Variants in AGPAT4 observed in about 807,000 individuals in gnomAD.
AGPAT4 encodes the protein 1-acyl-sn-glycerol-3-phosphate acyltransferase delta.
In AGPAT4, 15 loss-of-function variants were observed where a neutral mutation model predicts 48.0. The ratio of observed to expected loss-of-function variants is 0.31; its 90% CI spans 0.21 to 0.48. The LOEUF is 0.48. AGPAT4 is among the 20% of genes least tolerant of loss of function. The pLI is 0.99. For synonymous variants in AGPAT4, 178 were observed against 198.7 expected (o/e 0.90, Z 0.88); for missense variants, 314 against 482.5 (o/e 0.65, Z 3.27).
chr6:161,253,413 C>T (rs1422196434), intron 1 of AGPAT4, among the ~76,000 whole-genome samples: 1 of 150,670 alleles, frequency 6.6e-6, no homozygotes, highest in African/African-American at 2.4e-5. Flanking sequence ...CGCCACCATG[C>T]CCAGCTAATT....
Position 161,142,552 on chromosome 6 carries a change from T to G in AGPAT4, c.844-2932A>C, listed in dbSNP as rs1779288232. ...GGCAGATCCCCGGACGAACGCCCCC[T>G]GCAGCCCGCAACAAAGGCACTAGGG... On this transcript the variant is annotated intron_variant, in intron 7 of 8. Coordinates refer to ENST00000320285, the MANE Select transcript of AGPAT4 (RefSeq NM_020133.3). This position sits in a 1 kb window ranked among gnomAD's most constrained non-coding sequence, Gnocchi z 6.4. Among the ~76,000 whole-genome samples the G allele has an allele frequency of 6.6e-6, 1 of 152,126 alleles. No homozygotes were observed. Among genetic ancestry groups the G allele is most frequent in the South Asian group, 2.1e-4 (1 of 4,826 alleles).
At position 161,222,046 on chromosome 6, in the gene AGPAT4, C is replaced by T. The variant is rs548833546; in HGVS notation, c.178+9990G>A. 5.9e-5 allele frequency among the ~76,000 whole-genome samples: 9 copies of T among 152,196 alleles called. No individual in the cohort carries two copies. Among genetic ancestry groups the T allele is most frequent in the Non-Finnish European group, 1.3e-4 (9 of 68,030 alleles). ...CTCAGTTCCTTTCCACGAATGACTG[C>T]AATATTTGGGATGAGGGTTGACTAT... On this transcript the variant is annotated intron_variant, in intron 2 of 8. Transcript: ENST00000320285. This position sits in a 1 kb window ranked among gnomAD's most constrained non-coding sequence, Gnocchi z 5.9.
Position 161,263,720 on chromosome 6 carries a change from C to T in AGPAT4, c.-90+10218G>A, listed in dbSNP as rs144829745. Reference sequence around the variant, plus strand: ...TCCAAATGAGGATTTCAGTGACCCCCACAACATCTTCATTACATCATCTGG... The same window carrying T: ...TCCAAATGAGGATTTCAGTGACCCCTACAACATCTTCATTACATCATCTGG... On this transcript the variant is annotated intron_variant, in intron 1 of 8. Transcript: ENST00000320285. Among the ~76,000 whole-genome samples the T allele has an allele frequency of 6.6e-5, 10 of 152,262 alleles. No individual in the cohort carries two copies. The East Asian group carries it at 1.7e-3, about 26-fold the overall frequency.
rs1326591740 is a variant in AGPAT4, at chr6:161,221,667, T to G, written c.178+10369A>C. Among the ~76,000 whole-genome samples the G allele has an allele frequency of 6.6e-6, 1 of 152,186 alleles. No homozygotes were observed. The highest frequency in any genetic ancestry group is 1.5e-5 in the Non-Finnish European group (1 of 68,030). On this transcript the variant is annotated intron_variant, in intron 2 of 8. Coordinates refer to ENST00000320285, the MANE Select transcript of AGPAT4 (RefSeq NM_020133.3). The surrounding 1 kb of genome is among the most constrained non-coding windows in gnomAD (Gnocchi z 4.5). Reference sequence around the variant, plus strand: ...TAACAGAAATTGATTGTCTGAGTTCTGGATTCCAGGAACCTCAGATCGGGG... The same window carrying G: ...TAACAGAAATTGATTGTCTGAGTTCGGGATTCCAGGAACCTCAGATCGGGG...
rs189555088 is a variant in AGPAT4, at chr6:161,239,349, T to C, written c.-89-7047A>G. Among the ~76,000 whole-genome samples, 278 of 152,368 alleles carry C rather than the reference T, an allele frequency of 1.8e-3. 1 individual carries two copies. The highest frequency in any genetic ancestry group is 6.1e-3 in the African/African-American group (252 of 41,584). On this transcript the variant is annotated intron_variant, in intron 1 of 8. Coordinates refer to ENST00000320285, the MANE Select transcript of AGPAT4 (RefSeq NM_020133.3). ...CATTAAATTAGGCAACAAGATATCC[T>C]TAGTTAAGACTTCATATTCTGTCTT...
In AGPAT4 at chr6:161,236,034, G is replaced by A. The variant is rs1782264313; in HGVS notation, c.-89-3732C>T. Among the ~76,000 whole-genome samples, 1 of 152,202 alleles carries A rather than the reference G, an allele frequency of 6.6e-6. No homozygotes were observed. ...AAGATGGTATAAATATCTGGCCAGC[G>A]ATGAAAATAGCTGGAGAGAAACATT... On this transcript the variant is annotated intron_variant, in intron 1 of 8. Transcript: ENST00000320285. The surrounding 1 kb of genome is among the most constrained non-coding windows in gnomAD (Gnocchi z 5.0).
At chr6:161,205,095 AC>A (rs1781345152) in intron 2 of AGPAT4, among the ~76,000 whole-genome samples, 1 of 152,160 alleles carries the variant, frequency 6.6e-6, no homozygotes, top group Non-Finnish European at 1.5e-5. Context: ...TTTGGGAAGC[AC>A]AGCAACGCCG....
intron 1 of AGPAT4, among the ~76,000 whole-genome samples, chr6:161,247,477 T>C (rs1310647233): frequency 1.3e-5 from 2 of 152,216 alleles, no homozygotes; most frequent in African/African-American, 4.8e-5. Flanking sequence ...AGAGGCTTTT[T>C]TTATTTTTAA....
rs1248608451 is a variant in AGPAT4, at chr6:161,189,441, T to C, written c.179-23024A>G. Among the ~76,000 whole-genome samples, 2 of 152,094 alleles carry C rather than the reference T, an allele frequency of 1.3e-5. No individual in the cohort carries two copies. The highest frequency in any genetic ancestry group is 1.3e-4 in the Admixed American group (2 of 15,282). ...TCGGGGTGAAGAGAGAACCCACATGTATTGTACACACACTGTAGCCACACA... is the reference window on the plus strand; with the variant it reads ...TCGGGGTGAAGAGAGAACCCACATGCATTGTACACACACTGTAGCCACACA... On this transcript the variant is annotated intron_variant, in intron 2 of 8. Transcript: ENST00000320285. This position sits in a 1 kb window ranked among gnomAD's most constrained non-coding sequence, Gnocchi z 5.3.
In AGPAT4 at chr6:161,140,748, C is replaced by G. The variant is rs1023769460; in HGVS notation, c.844-1128G>C. Among the ~76,000 whole-genome samples the G allele has an allele frequency of 6.6e-6, 1 of 152,196 alleles. No individual in the cohort carries two copies. Among genetic ancestry groups the G allele is most frequent in the Non-Finnish European group, 1.5e-5 (1 of 68,032 alleles). Reference sequence around the variant, plus strand: ...TCCTGGCCGTGAGGAGGGGCCAGGGCAGAAGCTGCCTGCAGGGAGCAGAGC... The same window carrying G: ...TCCTGGCCGTGAGGAGGGGCCAGGGGAGAAGCTGCCTGCAGGGAGCAGAGC... On this transcript the variant is annotated intron_variant, in intron 7 of 8. Transcript: ENST00000320285. This position sits in a 1 kb window ranked among gnomAD's most constrained non-coding sequence, Gnocchi z 6.5.
chr6:161,165,707 G>T lies in AGPAT4; in HGVS notation c.348+541C>A. On this transcript the variant is annotated intron_variant, in intron 3 of 8. Coordinates refer to ENST00000320285, the MANE Select transcript of AGPAT4 (RefSeq NM_020133.3). The surrounding 1 kb of genome is among the most constrained non-coding windows in gnomAD (Gnocchi z 5.5). Reference sequence around the variant, plus strand: ...AAAGGCATGCAAGCTACGTGCAAGAGGTCAAACTAGTTGGGAAAAAAAAAA... The same window carrying T: ...AAAGGCATGCAAGCTACGTGCAAGATGTCAAACTAGTTGGGAAAAAAAAAA... 9.5e-7 allele frequency: 1 copy of T among 1,052,026 alleles called. No individual in the cohort carries two copies. Among genetic ancestry groups the T allele is most frequent in the Non-Finnish European group, 1.3e-6 (1 of 758,490 alleles). 65.2% of individuals were successfully genotyped at this position (1,052,026 alleles called of 1,614,324 possible).
intron 1 of AGPAT4, among the ~76,000 whole-genome samples, chr6:161,241,310 A>T (rs959818191): frequency 1.3e-5 from 2 of 151,984 alleles, no homozygotes; most frequent in African/African-American, 4.8e-5. Context: ...ATGGTATGGC[A>T]GAAGCCTATA....
chr6:161,149,348 G>A lies in AGPAT4; in HGVS notation c.665-59C>T, dbSNP rs767825371. On this transcript the variant is annotated intron_variant, in intron 5 of 8. Coordinates refer to ENST00000320285, the MANE Select transcript of AGPAT4 (RefSeq NM_020133.3). The surrounding 1 kb of genome is among the most constrained non-coding windows in gnomAD (Gnocchi z 6.5). Reference sequence around the variant, plus strand: ...TAGCGTGTGAACCCAATTTTGTTCTGTAGATACACACATTGGAAGACAATA... The same window carrying A: ...TAGCGTGTGAACCCAATTTTGTTCTATAGATACACACATTGGAAGACAATA... 2.1e-6 allele frequency: 3 copies of A among 1,452,222 alleles called. No homozygotes were observed. The highest frequency in any genetic ancestry group is 1.3e-5 in the South Asian group (1 of 76,558). 90.0% of individuals were successfully genotyped at this position (1,452,222 alleles called of 1,614,324 possible).
chr6:161,247,804 G>A (rs929483732), intron 1 of AGPAT4, among the ~76,000 whole-genome samples: 1 of 151,924 alleles, frequency 6.6e-6, no homozygotes, highest in Admixed American at 6.6e-5. Flanking sequence ...ACAACATGGT[G>A]AAACCCCATC....
Position 161,178,619 on chromosome 6 carries a change from C to T in AGPAT4, c.179-12202G>A, listed in dbSNP as rs999359060. 2.0e-5 allele frequency among the ~76,000 whole-genome samples: 3 copies of T among 152,242 alleles called. No individual in the cohort carries two copies. The East Asian group carries it at 5.8e-4, about 30-fold the overall frequency. ...CCCACCCTGCTTCAGCTCACACTCG[C>T]GTGGGCTGCACCCACTGTCCGACAA... On this transcript the variant is annotated intron_variant, in intron 2 of 8. Coordinates refer to ENST00000320285, the MANE Select transcript of AGPAT4 (RefSeq NM_020133.3). The surrounding 1 kb of genome is among the most constrained non-coding windows in gnomAD (Gnocchi z 5.1).
intron 1 of AGPAT4, among the ~76,000 whole-genome samples, chr6:161,253,320 T>C (rs1442318905): frequency 6.7e-6 from 1 of 150,084 alleles, no homozygotes. Flanking sequence ...AGTGGCGCAA[T>C]CTCTGCTCAC....
chr6:161,149,293 T>A lies in AGPAT4; in HGVS notation c.665-4A>T. 1.2e-6 allele frequency: 2 copies of A among 1,606,130 alleles called. No individual in the cohort carries two copies. The highest frequency in any genetic ancestry group is 1.7e-6 in the Non-Finnish European group (2 of 1,178,738). On this transcript the variant is annotated splice_polypyrimidine_tract_variant and splice_region_variant and intron_variant, in intron 5 of 8. Transcript: ENST00000320285. This position sits in a 1 kb window ranked among gnomAD's most constrained non-coding sequence, Gnocchi z 6.5. ...GTACAGTCATATACAGCTGAAACTATAAAAAATAAAACAAATACAAAGCAG... is the reference window on the plus strand; with the variant it reads ...GTACAGTCATATACAGCTGAAACTAAAAAAAATAAAACAAATACAAAGCAG...
intron 1 of AGPAT4, among the ~76,000 whole-genome samples, chr6:161,257,787 T>C (rs1447730344): frequency 6.6e-6 from 1 of 152,228 alleles, no homozygotes; most frequent in East Asian, 1.9e-4. Context: ...TTCTATTTCA[T>C]ATGGAAGTGA....
At chr6:161,187,974 C>T (rs1780818950) in intron 2 of AGPAT4, among the ~76,000 whole-genome samples, 2 of 152,164 alleles carry the variant, frequency 1.3e-5, no homozygotes, top group Admixed American at 1.3e-4. Context: ...CTTCTCTCAC[C>T]TTTCCCTTAT....
Sources: allele counts gnomAD v4.1 joint callset (sites outside exome capture counted in the v4.1 genomes callset), GRCh38; gene constraint gnomAD v4.1.1; non-coding constraint Gnocchi (gnomAD v3.1); transcripts MANE v1.5; gene names NCBI Gene and HGNC (gene_info 2026-07-23, HGNC 2026-07-21).